Variants in PHKB observed in about 807,000 individuals in gnomAD.
The protein encoded by PHKB is phosphorylase b kinase regulatory subunit beta.
A neutral mutation model predicts 152.1 loss-of-function variants in PHKB; 122 were observed. The observed-to-expected ratio is 0.80, with a 90% CI of 0.69 to 0.93. The LOEUF is 0.93. Ranked by LOEUF, PHKB falls within the 40% of genes least tolerant of loss-of-function variation. The pLI, the probability that PHKB is intolerant of heterozygous loss-of-function variation, is 0.00. For synonymous variants in PHKB, 436 were observed against 464.9 expected (o/e 0.94, Z 0.80); for missense variants, 1,304 against 1,328.4 (o/e 0.98, Z 0.29).
intron 3 of PHKB, 149 bp downstream of exon 3, chr16:47,500,043 CT>C: frequency 1.2e-6 from 1 of 862,740 alleles, no homozygotes; most frequent in Non-Finnish European, 1.9e-6. Context: ...GCCTCTAAAC[CT>C]TTTCATTTTC....
At chr16:47,516,754 C>A (rs1970605165) in intron 6 of PHKB, among the ~76,000 whole-genome samples, 1 of 152,100 alleles carries the variant, frequency 6.6e-6, no homozygotes, top group Non-Finnish European at 1.5e-5. Flanking sequence ...TAAATAAATT[C>A]TATTTAGAAG....
intron 6 of PHKB, among the ~76,000 whole-genome samples, chr16:47,524,050 A>G (rs1292891543): frequency 1.3e-5 from 2 of 152,136 alleles, no homozygotes; most frequent in Non-Finnish European, 2.9e-5. Context: ...ACATACCCCA[A>G]AGCTCACTCT....
At chr16:47,651,962 A>T (rs1365111276) in intron 20 of PHKB, among the ~76,000 whole-genome samples, 3 of 151,944 alleles carry the variant, frequency 2.0e-5, no homozygotes. Context: ...TTCATTTTTC[A>T]TAGTATTCTG....
intron 7 of PHKB, among the ~76,000 whole-genome samples, chr16:47,550,711 C>T (rs551991065): frequency 2.0e-5 from 3 of 152,102 alleles, no homozygotes; most frequent in East Asian, 3.9e-4. Flanking sequence ...TTGGCTGTTA[C>T]GAGGATGATC....
At chr16:47,537,350 CAG>C (rs1311477275) in intron 6 of PHKB, among the ~76,000 whole-genome samples, 1 of 152,196 alleles carries the variant, frequency 6.6e-6, no homozygotes, top group Non-Finnish European at 1.5e-5. Flanking sequence ...AAAGCAGAAA[CAG>C]GGAACAAAAA....
intron 6 of PHKB, among the ~76,000 whole-genome samples, chr16:47,517,075 ACT>A (rs2151652971): frequency 6.6e-6 from 1 of 152,160 alleles, no homozygotes; most frequent in South Asian, 2.1e-4. Context: ...AAGAAGCATG[ACT>A]CTGACTGAGG....
intron 24 of PHKB, chr16:47,664,090 C>T (rs1973493565): frequency 4.0e-6 from 1 of 247,900 alleles, no homozygotes; most frequent in Non-Finnish European, 7.8e-6. Context: ...GAAAAGAGAC[C>T]AGTGATTTAT....
chr16:47,573,163 C>T (rs1382877840), intron 7 of PHKB, among the ~76,000 whole-genome samples: 1 of 152,192 alleles, frequency 6.6e-6, no homozygotes, highest in Non-Finnish European at 1.5e-5. Flanking sequence ...GTAGGATTCA[C>T]AGTGAAGTGG....
At chr16:47,692,192 G>A (rs944314142) in intron 27 of PHKB, among the ~76,000 whole-genome samples, 1 of 152,150 alleles carries the variant, frequency 6.6e-6, no homozygotes, top group African/African-American at 2.4e-5. Context: ...CAGCGCAAAC[G>A]TGTCTTTTTC....
At chr16:47,685,007 C>G (rs1171932022) in intron 26 of PHKB, among the ~76,000 whole-genome samples, 2 of 152,294 alleles carry the variant, frequency 1.3e-5, no homozygotes, top group East Asian at 3.9e-4. Context: ...GTATAAGACT[C>G]TGGGCCATCC....
chr16:47,580,752 T>C (rs1971830961), intron 8 of PHKB, among the ~76,000 whole-genome samples: 1 of 152,084 alleles, frequency 6.6e-6, no homozygotes, highest in African/African-American at 2.4e-5. Context: ...GTATATCTCA[T>C]GTAGAAGAGA....
chr16:47,607,192 CTATT>C (rs1972341220), intron 13 of PHKB, among the ~76,000 whole-genome samples: 1 of 151,894 alleles, frequency 6.6e-6, no homozygotes. Flanking sequence ...TATATTTTAC[CTATT>C]TAAAGTTTAC....
intron 12 of PHKB, among the ~76,000 whole-genome samples, 172 bp downstream of exon 12, chr16:47,594,386 T>A (rs1170685931): frequency 6.6e-6 from 1 of 152,166 alleles, no homozygotes; most frequent in Non-Finnish European, 1.5e-5. Context: ...TGGAAATGAA[T>A]CTAGGTGGAC....
rs1971959088 is a variant in PHKB, at chr16:47,587,736, G to A, written c.843G>A (p.Ser281=). The A allele has an allele frequency of 3.7e-6, 6 of 1,612,850 alleles. No homozygotes were observed. Among genetic ancestry groups the A allele is most frequent in the East Asian group, 2.2e-5 (1 of 44,866 alleles). ...AHNRNRQTLC[S]LLPRESRSHN... Reference sequence around the variant, plus strand: ...ATCGCAACAGGCAAACTTTGTGCTCGCTGTTACCCAGAGAATCAAGATCAC... The same window carrying A: ...ATCGCAACAGGCAAACTTTGTGCTCACTGTTACCCAGAGAATCAAGATCAC... The change falls in exon 9 of 31, where the codon TCG becomes TCA. Residue 281 remains serine, a synonymous_variant. Coordinates refer to ENST00000323584, the MANE Select transcript of PHKB (RefSeq NM_000293.3).
At chr16:47,676,958 C>T (rs955562871) in intron 26 of PHKB, among the ~76,000 whole-genome samples, 1 of 152,218 alleles carries the variant, frequency 6.6e-6, no homozygotes, top group East Asian at 1.9e-4. Context: ...GCCAGGGCAT[C>T]CTCTGTAAGC....
intron 16 of PHKB, among the ~76,000 whole-genome samples, chr16:47,648,065 T>C (rs1182722686): frequency 6.6e-6 from 1 of 152,176 alleles, no homozygotes; most frequent in African/African-American, 2.4e-5. Flanking sequence ...ACATTCACTT[T>C]GAGTACGTGG....
chr16:47,497,515 C>T (rs751062587), intron 2 of PHKB, 27 bp downstream of exon 2: 7 of 1,290,938 alleles, frequency 5.4e-6, no homozygotes, highest in Non-Finnish European at 7.9e-6. Context: ...GAAAACGTGT[C>T]CTTAGGTATC....
chr16:47,617,878 G>C (rs1197527973), intron 14 of PHKB, among the ~76,000 whole-genome samples: 1 of 152,214 alleles, frequency 6.6e-6, no homozygotes, highest in Non-Finnish European at 1.5e-5. Flanking sequence ...AAGGCTTTAA[G>C]AATCTGTTGT....
At chr16:47,678,120 T>C (rs546926910) in intron 26 of PHKB, among the ~76,000 whole-genome samples, 26 of 152,228 alleles carry the variant, frequency 1.7e-4, no homozygotes, top group African/African-American at 5.8e-4. Flanking sequence ...TATGGCTGCA[T>C]AGTATTCCAT....
Sources: gnomAD v4.1 joint callset for allele counts (sites outside exome capture counted in the v4.1 genomes callset) on GRCh38, gnomAD v4.1.1 for gene constraint, MANE v1.5 for transcripts, NCBI Gene and HGNC (gene_info 2026-07-23, HGNC 2026-07-21) for gene names.